DNMT1: variants seen among roughly 807,000 people sequenced by gnomAD.
DNMT1 encodes the protein DNA (cytosine-5)-methyltransferase 1.
In DNMT1, 24 loss-of-function variants were observed where a neutral mutation model predicts 205.3. The ratio of observed to expected loss-of-function variants is 0.12; its 90% CI spans 0.08 to 0.16. The LOEUF (loss-of-function observed/expected upper bound fraction) is 0.16, where lower values mean the gene tolerates loss of function less well. DNMT1 is among the 10% of genes least tolerant of loss of function. DNMT1 has a pLI of 1.00. For synonymous variants in DNMT1, 817 were observed against 839.8 expected, an observed-to-expected ratio of 0.97 and a Z score of 0.47; for missense variants, 1,293 against 2,177.7, an observed-to-expected ratio of 0.59 and a Z score of 8.09.
At position 10,146,644 on chromosome 19, in the gene DNMT1, C is replaced by T; in HGVS notation, c.2721-120G>A. 2 of 1,312,526 alleles carry T rather than the reference C, an allele frequency of 1.5e-6. No homozygotes were observed. Among genetic ancestry groups the T allele is most frequent in the Non-Finnish European group, 2.1e-6 (2 of 945,682 alleles). 81.3% of individuals were successfully genotyped at this position (1,312,526 alleles called of 1,614,324 possible). On this transcript the variant is annotated intron_variant, in intron 27 of 40. Transcript: ENST00000359526. The surrounding 1 kb of genome is among the most constrained non-coding windows in gnomAD (Gnocchi z 4.4). ...CAAGAGGAAAAAACATTTGCAGATG[C>T]TAGAAGGAAGAGGTGGCTTTCTTGT... is the stretch of plus-strand genomic sequence containing the variant.
chr19:10,160,214 T>C, intron 14 of DNMT1, 151 bp from the exon 15 acceptor site: 1 of 1,518,472 alleles, frequency 6.6e-7, no homozygotes, highest in Non-Finnish European at 9.0e-7. Context: ...ACAGTGGCTC[T>C]TCACCGCAGG....
rs2288349 is a variant in DNMT1, at chr19:10,146,569, G to A, written c.2721-45C>T. 647,072 of 1,611,166 alleles carry A rather than the reference G, an allele frequency of 0.4. 134,052 individuals are homozygous for A. The highest frequency in any genetic ancestry group is 0.47 in the Middle Eastern group (2,828 of 6,036). On this transcript the variant is annotated intron_variant, in intron 27 of 40. Coordinates refer to ENST00000359526, the MANE Select transcript of DNMT1 (RefSeq NM_001130823.3). This position sits in a 1 kb window ranked among gnomAD's most constrained non-coding sequence, Gnocchi z 4.4. ...AGAAACATAAGGCCCTGAGGTGGCC[G>A]GCAGTGGCCGCAGCAGCTACTGCCA...
intron 9 of DNMT1, among the ~76,000 whole-genome samples, chr19:10,171,848 A>T (rs924547723): frequency 1.4e-5 from 2 of 141,782 alleles, no homozygotes; most frequent in South Asian, 2.3e-4. Flanking sequence ...AATAAATAAA[A>T]ACACAAAAAT....
intron 14 of DNMT1, 38 bp downstream of exon 14, chr19:10,160,346 A>G (rs2038542768): frequency 6.2e-7 from 1 of 1,613,554 alleles, no homozygotes; most frequent in African/African-American, 1.3e-5. Flanking sequence ...TTTTAACATT[A>G]CCATCTGCTT....
At chr19:10,171,847 A>C (rs979120553) in intron 9 of DNMT1, among the ~76,000 whole-genome samples, 1 of 151,212 alleles carries the variant, frequency 6.6e-6, no homozygotes, top group South Asian at 2.1e-4. Context: ...AAATAAATAA[A>C]AACACAAAAA....
At chr19:10,141,440 C>T (rs2089599079) in intron 30 of DNMT1, 1 of 505,266 alleles carries the variant, frequency 2.0e-6, no homozygotes, top group Non-Finnish European at 3.6e-6. Flanking sequence ...CCTTCTAGAA[C>T]AGGAAAAAGT....
At position 10,177,356 on chromosome 19, in the gene DNMT1, G is replaced by C; in HGVS notation, c.505C>G (p.Pro169Ala). 1.2e-6 allele frequency: 2 copies of C among 1,613,440 alleles called. No homozygotes were observed. Among genetic ancestry groups the C allele is most frequent in the East Asian group, 2.2e-5 (1 of 44,854 alleles). ...CTTTTCCTTGTAATCCTGGGGCTAG[G>C]TGAAGGTTCAGCTGTTTAAAGAAGA... Reference protein sequence around the residue: ...QVTGIRAEPSPSPRITRKSTR... With the variant: ...QVTGIRAEPSASPRITRKSTR... The change falls in exon 6 of 41, where the codon CCT (proline) becomes GCT (alanine). Residue 169 changes from proline to alanine, a missense_variant. This residue lies in a region of DNMT1 where 394 missense variants were observed against 451.6 expected (regional missense o/e 0.87). Coordinates refer to ENST00000359526, the MANE Select transcript of DNMT1 (RefSeq NM_001130823.3).
At position 10,154,878 on chromosome 19, in the gene DNMT1, G is replaced by C; in HGVS notation, c.1644+27C>G. 6.2e-7 allele frequency: 1 copy of C among 1,614,202 alleles called. No homozygotes were observed. Among genetic ancestry groups the C allele is most frequent in the African/African-American group, 1.3e-5 (1 of 75,038 alleles). On this transcript the variant is annotated intron_variant, in intron 20 of 40. Coordinates refer to ENST00000359526, the MANE Select transcript of DNMT1 (RefSeq NM_001130823.3). The surrounding 1 kb of genome is among the most constrained non-coding windows in gnomAD (Gnocchi z 6.3). ...AAGGCAAGTTTCCAGTGGGAATCCCGGATGCTGAGGACCCTCGATCTCTTA... is the reference window on the plus strand; with the variant it reads ...AAGGCAAGTTTCCAGTGGGAATCCCCGATGCTGAGGACCCTCGATCTCTTA...
Position 10,159,949 on chromosome 19 carries a change from G to A in DNMT1, c.1090-27C>T, listed in dbSNP as rs1007266939. The A allele has an allele frequency of 6.2e-7, 1 of 1,614,078 alleles. No individual in the cohort carries two copies. The highest frequency in any genetic ancestry group is 1.3e-5 in the African/African-American group (1 of 74,938). ...TGTGGGAGCAGGAACACAGATGATG[G>A]CACTCAGAGAGCAGCTCCCAGCCGC... On this transcript the variant is annotated intron_variant, in intron 15 of 40. Coordinates refer to ENST00000359526, the MANE Select transcript of DNMT1 (RefSeq NM_001130823.3). This position sits in a 1 kb window ranked among gnomAD's most constrained non-coding sequence, Gnocchi z 5.0.
chr19:10,153,827 G>C (rs1007433068), intron 22 of DNMT1, among the ~76,000 whole-genome samples: 1 of 152,074 alleles, frequency 6.6e-6, no homozygotes, highest in South Asian at 2.1e-4. Flanking sequence ...TCAGGTAATA[G>C]GTATCAAAAT....
Position 10,144,060 on chromosome 19 carries a change from T to A in DNMT1, c.2895-73A>T, listed in dbSNP as rs1009838172. 19 of 1,446,658 alleles carry A rather than the reference T, an allele frequency of 1.3e-5. No individual in the cohort carries two copies. In the African/African-American group the frequency reaches 2.2e-4, roughly 17 times the overall value. The allele number at this position is 1,446,658 out of a possible 1,614,324, so 89.6% of individuals were successfully genotyped here. Reference sequence around the variant, plus strand: ...TGGTCAGTCAGGCATGACTGACCAGTGAAAATAACCATTTAAAGTCAAGCA... The same window carrying A: ...TGGTCAGTCAGGCATGACTGACCAGAGAAAATAACCATTTAAAGTCAAGCA... On this transcript the variant is annotated intron_variant, in intron 28 of 40. Coordinates refer to ENST00000359526, the MANE Select transcript of DNMT1 (RefSeq NM_001130823.3).
At position 10,138,537 on chromosome 19, in the gene DNMT1, C is replaced by A. The variant is rs780926114; in HGVS notation, c.4017G>T (p.Lys1339Asn). ...GCAGTGGCTCCGGGAACAGAGGGAG[C>A]TTCTCTCCAGGGGCCGCGGCCAGGA... ...AIILAAAPGE[K>N]LPLFPEPLHV... is the part of the protein sequence containing the mutation. The change falls in exon 35 of 41, where the codon AAG (lysine) becomes AAT (asparagine). Residue 1339 changes from lysine to asparagine, a missense_variant. Physicochemically the swap from Lys to Asn is moderately conservative, Grantham distance 94. Transcript: ENST00000359526. The surrounding 1 kb of genome is among the most constrained non-coding windows in gnomAD (Gnocchi z 4.1). The A allele has an allele frequency of 1.2e-6, 2 of 1,612,568 alleles. No individual in the cohort carries two copies. The highest frequency in any genetic ancestry group is 1.7e-6 in the Non-Finnish European group (2 of 1,180,030).
At chr19:10,161,072 C>T (rs1047650172) in intron 13 of DNMT1, among the ~76,000 whole-genome samples, 4 of 151,942 alleles carry the variant, frequency 2.6e-5, no homozygotes, top group Non-Finnish European at 5.9e-5. Flanking sequence ...TTTGGGAGAC[C>T]GAGGCGGATG....
At chr19:10,174,718 A>C (rs1568249657) in intron 7 of DNMT1, among the ~76,000 whole-genome samples, 1 of 150,950 alleles carries the variant, frequency 6.6e-6, no homozygotes, top group African/African-American at 2.4e-5. Flanking sequence ...AAAAAATTAA[A>C]AACAACAACA....
intron 8 of DNMT1, 85 bp from the exon 9 acceptor site, chr19:10,173,259 C>A: frequency 7.4e-7 from 1 of 1,348,520 alleles, no homozygotes; most frequent in Admixed American, 1.8e-5. Context: ...CCTCTTTCCC[C>A]CAAAAGCAAT....
intron 6 of DNMT1, 75 bp downstream of exon 6, chr19:10,177,217 C>T (rs1428543168): frequency 1.2e-5 from 16 of 1,344,436 alleles, no homozygotes; most frequent in Non-Finnish European, 1.6e-5. Flanking sequence ...AGAATTGCCA[C>T]GTGACGCCCT....
intron 9 of DNMT1, among the ~76,000 whole-genome samples, chr19:10,169,571 GTAAA>G (rs1025492124): frequency 6.9e-6 from 1 of 144,438 alleles, no homozygotes; most frequent in Non-Finnish European, 1.5e-5. Context: ...AAATAAATAA[GTAAA>G]TAAATAAATA....
At position 10,152,640 on chromosome 19, in the gene DNMT1, G is replaced by C. The variant is rs547713986; in HGVS notation, c.2020-793C>G. Among the ~76,000 whole-genome samples the C allele has an allele frequency of 2.0e-5, 3 of 151,314 alleles. No individual in the cohort carries two copies. In the South Asian group the frequency reaches 6.3e-4, roughly 32 times the overall value. ...GCTGGGCATGGTGGCGTGCACCTGTGGTCCCAGCTACTTGGGAGGCTAAGG... is the reference window on the plus strand; with the variant it reads ...GCTGGGCATGGTGGCGTGCACCTGTCGTCCCAGCTACTTGGGAGGCTAAGG... On this transcript the variant is annotated intron_variant, in intron 22 of 40. Transcript: ENST00000359526.
intron 9 of DNMT1, among the ~76,000 whole-genome samples, chr19:10,170,567 C>T (rs968176086): frequency 6.6e-6 from 1 of 152,130 alleles, no homozygotes; most frequent in East Asian, 1.9e-4. Context: ...TTTGTTTGAA[C>T]GCAGGAGACA....
Sources: gnomAD v4.1 joint callset for allele counts (sites outside exome capture counted in the v4.1 genomes callset) on GRCh38, gnomAD v4.1.1 for gene constraint, gnomAD v4.1.1 regional missense constraint, Gnocchi (gnomAD v3.1) non-coding constraint, MANE v1.5 for transcripts, NCBI Gene and HGNC (gene_info 2026-07-23, HGNC 2026-07-21) for gene names.